PRUNE1: variants seen among roughly 807,000 people sequenced by gnomAD.
The protein encoded by PRUNE1 is exopolyphosphatase PRUNE1.
Under a neutral mutation model 42.5 loss-of-function variants are expected in PRUNE1, and 25 were observed. That is an observed-to-expected ratio of 0.59 (90% CI 0.43 to 0.82). PRUNE1 has a LOEUF of 0.82. PRUNE1 is among the 40% of genes least tolerant of loss of function. PRUNE1 has a pLI of 0.00. For synonymous variants in PRUNE1, 203 were observed against 217.1 expected (o/e 0.93, Z 0.57); for missense variants, 443 against 539.3 (o/e 0.82, Z 1.77).
chr1:151,015,633 CAAA>C (rs34251388), intron 1 of PRUNE1, among the ~76,000 whole-genome samples: 9 of 86,848 alleles, frequency 1.0e-4, no homozygotes, highest in Admixed American at 1.3e-4. Context: ...GACTCCATCT[CAAA>C]AAAAAAAAAA....
Position 151,025,604 on chromosome 1 carries a change from C to A in PRUNE1, c.610C>A (p.Leu204Ile). The A allele has an allele frequency of 6.2e-7, 1 of 1,613,818 alleles. No homozygotes were observed. The highest frequency in any genetic ancestry group is 8.5e-7 in the Non-Finnish European group (1 of 1,179,790). The change falls in exon 5 of 8, where the codon CTT becomes ATT. Residue 204 changes from leucine to isoleucine, a missense_variant. By Grantham distance (5) the Leu-to-Ile change is conservative (BLOSUM62 2). Transcript: ENST00000271620. ...CAAATATGTGGAGAAACTAGAGGCC[C>A]TTTTCCCAGACCTACCCAAGAGAAA... ...DSKYVEKLEA[L>I]FPDLPKRNDI...
intron 1 of PRUNE1, among the ~76,000 whole-genome samples, chr1:151,009,916 T>G (rs1673648963): frequency 6.6e-6 from 1 of 152,170 alleles, no homozygotes; most frequent in African/African-American, 2.4e-5. Context: ...CCGTTCTAAG[T>G]GCTAAACAGT....
intron 5 of PRUNE1, 110 bp downstream of exon 5, chr1:151,025,783 C>T (rs1287232788): frequency 8.8e-7 from 1 of 1,141,574 alleles, no homozygotes; most frequent in Admixed American, 2.4e-5. Flanking sequence ...CTCTGCCACC[C>T]AGGCTAGAGT....
intron 1 of PRUNE1, among the ~76,000 whole-genome samples, chr1:151,009,740 G>A (rs1673631889): frequency 6.6e-6 from 1 of 152,196 alleles, no homozygotes; most frequent in African/African-American, 2.4e-5. Context: ...TATTGAATTG[G>A]GGAGAAGGTC....
At chr1:151,029,003 C>G in intron 7 of PRUNE1, 59 bp downstream of exon 7, 1 of 1,513,136 alleles carries the variant, frequency 6.6e-7, no homozygotes, top group South Asian at 1.2e-5. Flanking sequence ...GTATGTACCT[C>G]TGTGCTCTAC....
At chr1:151,024,855 G>A in intron 4 of PRUNE1, 60 bp downstream of exon 4, 1 of 1,513,320 alleles carries the variant, frequency 6.6e-7, no homozygotes, top group East Asian at 2.4e-5. Flanking sequence ...GAGAAGGGAG[G>A]GTGGAAAAGT....
At chr1:151,032,338 C>T (rs587656495) in intron 7 of PRUNE1, among the ~76,000 whole-genome samples, 3 of 151,922 alleles carry the variant, frequency 2.0e-5, no homozygotes, top group South Asian at 4.2e-4. Context: ...TTGCTTGAGA[C>T]CAGGATTTGG....
intron 3 of PRUNE1, among the ~76,000 whole-genome samples, chr1:151,021,650 A>G (rs1294781619): frequency 6.6e-6 from 1 of 152,060 alleles, no homozygotes; most frequent in Non-Finnish European, 1.5e-5. Flanking sequence ...ATAGCAGGAT[A>G]CTGACAGAAG....
chr1:151,032,567 A>T (rs1675300984), intron 7 of PRUNE1, among the ~76,000 whole-genome samples: 1 of 151,886 alleles, frequency 6.6e-6, no homozygotes, highest in Non-Finnish European at 1.5e-5. Context: ...TACAAACATT[A>T]GCCAGGCTGG....
chr1:151,026,847 C>CTTTTTT (rs766393235), intron 5 of PRUNE1, among the ~76,000 whole-genome samples: 3 of 128,638 alleles, frequency 2.3e-5, no homozygotes, highest in African/African-American at 2.8e-5. Context: ...TTCTTTCTTT[C>CTTTTTT]TTTTTTTTTT....
In PRUNE1 at chr1:151,018,530, C is replaced by T. The variant is rs137929776; in HGVS notation, c.196C>T (p.Arg66Ter). 2.0e-5 allele frequency: 33 copies of T among 1,613,268 alleles called. No homozygotes were observed. Among genetic ancestry groups the T allele is most frequent in the African/African-American group, 2.7e-5 (2 of 74,878 alleles). ...TATAAAACGTTCTGAACTACCTCTG[C>T]GAGGTGACATTGTCTTCTTTCTTCA... is the stretch of plus-strand genomic sequence containing the variant. ...LNIKRSELPL[R>*]GDIVFFLQKV... The change falls in exon 3 of 8, where the codon CGA becomes TGA. Residue 66 changes from arginine to a stop codon, truncating the protein, a stop_gained. Coordinates refer to ENST00000271620, the MANE Select transcript of PRUNE1 (RefSeq NM_021222.3). LOFTEE classifies it high-confidence loss of function.
chr1:151,027,951 G>T (rs1177375094), intron 6 of PRUNE1, among the ~76,000 whole-genome samples: 8 of 152,054 alleles, frequency 5.3e-5, no homozygotes, highest in Non-Finnish European at 1.2e-4. Flanking sequence ...AGGACTTACT[G>T]TGGTTTACAG....
At chr1:151,022,108 ATTTTTTTT>A (rs60255032) in intron 3 of PRUNE1, among the ~76,000 whole-genome samples, 1 of 125,800 alleles carries the variant, frequency 7.9e-6, no homozygotes, top group African/African-American at 3.0e-5. Flanking sequence ...TTCCTGGCTA[ATTTTTTTT>A]TTTTTTTTTT....
intron 1 of PRUNE1, among the ~76,000 whole-genome samples, chr1:151,014,737 C>CAGGTTG: frequency 6.6e-6 from 1 of 152,284 alleles, no homozygotes; most frequent in East Asian, 1.9e-4. Flanking sequence ...TCTTGTAACC[C>CAGGTTG]AGTAGTTCTC....
At position 151,008,658 on chromosome 1, in the gene PRUNE1, G is replaced by A. The variant is rs763030602; in HGVS notation, c.26G>A (p.Arg9Gln). Residue 9 changes from arginine (R) to glutamine (Q), a missense_variant, in exon 1 of 8, where the codon CGA (arginine) becomes CAA (glutamine). Coordinates refer to ENST00000271620, the MANE Select transcript of PRUNE1 (RefSeq NM_021222.3). Reference sequence around the variant, plus strand: ...ATGGAGGACTACCTGCAGGGTTGTCGAGCTGCTCTGCAGGTAACGAATCCC... The same window carrying A: ...ATGGAGGACTACCTGCAGGGTTGTCAAGCTGCTCTGCAGGTAACGAATCCC... Reference protein sequence around the residue: MEDYLQGCRAALQESRPLH... With the variant: MEDYLQGCQAALQESRPLH... The A allele has an allele frequency of 1.9e-6, 3 of 1,614,152 alleles. No individual in the cohort carries two copies. The South Asian group carries it at 3.3e-5, about 18-fold the overall frequency.
At chr1:151,024,836 C>A (rs1429286390) in intron 4 of PRUNE1, 41 bp downstream of exon 4, 2 of 1,558,470 alleles carry the variant, frequency 1.3e-6, no homozygotes, top group Non-Finnish European at 8.7e-7. Context: ...TAGTTCTATT[C>A]CTGTCCCTGA....
chr1:151,034,097 C>G lies in PRUNE1; in HGVS notation c.1225C>G (p.Pro409Ala), dbSNP rs754393168. The G allele has an allele frequency of 1.9e-6, 3 of 1,614,050 alleles. No individual in the cohort carries two copies. Among genetic ancestry groups the G allele is most frequent in the African/African-American group, 1.3e-5 (1 of 74,928 alleles). ...AGATGAGGAGGACCCTCCGCTGCCC[C>G]CGACGCCCATGAACAGCTTGGTGGA... Reference protein sequence around the residue: ...SQDEEDPPLPPTPMNSLVDEC... With the variant: ...SQDEEDPPLPATPMNSLVDEC... Residue 409 changes from proline to alanine, a missense_variant, in exon 8 of 8, where the codon CCG (proline) becomes GCG (alanine). Transcript: ENST00000271620.
chr1:151,024,680 C>G lies in PRUNE1; in HGVS notation c.405C>G (p.Cys135Trp), dbSNP rs769438571. 1 of 1,613,996 alleles carries G rather than the reference C, an allele frequency of 6.2e-7. No individual in the cohort carries two copies. Among genetic ancestry groups the G allele is most frequent in the East Asian group, 2.2e-5 (1 of 44,884 alleles). ...LDHRPIEPKH[C>W]PPCHVSVELV... is the part of the protein sequence containing the mutation. ...ATCGACCCATCGAGCCGAAACACTG[C>G]CCTCCCTGCCATGTTTCAGTTGAGC... Residue 135 changes from cysteine (C) to tryptophan (W), a missense_variant, in exon 4 of 8, where the codon TGC (cysteine) becomes TGG (tryptophan). By Grantham distance (215) the Cys-to-Trp change is radical. Transcript: ENST00000271620.
intron 1 of PRUNE1, among the ~76,000 whole-genome samples, chr1:151,012,915 G>C (rs936115667): frequency 6.6e-6 from 1 of 151,864 alleles, no homozygotes; most frequent in African/African-American, 2.4e-5. Flanking sequence ...TGAGATTACA[G>C]GCACCTGCCA....
Sources: allele counts gnomAD v4.1 joint callset (sites outside exome capture counted in the v4.1 genomes callset), GRCh38; gene constraint gnomAD v4.1.1; transcripts MANE v1.5; gene names NCBI Gene and HGNC (gene_info 2026-07-23, HGNC 2026-07-21).